The following NFKB1 variants were observed in gnomAD, a reference collection of about 807,000 sequenced individuals.
The protein encoded by NFKB1 is nuclear factor kappa B subunit 1.
NFKB1 carries 9 observed loss-of-function variants against 105.1 expected under a neutral mutation model. The ratio of observed to expected loss-of-function variants is 0.09; its 90% CI spans 0.05 to 0.15. NFKB1 has a LOEUF of 0.15. NFKB1 is among the 10% of genes least tolerant of loss of function. NFKB1 has a pLI of 1.00. For synonymous variants in NFKB1, 440 were observed against 442.2 expected, an observed-to-expected ratio of 1.00 and a Z score of 0.06; for missense variants, 830 against 1,203.7, an observed-to-expected ratio of 0.69 and a Z score of 4.59.
At position 102,580,523 on chromosome 4, in the gene NFKB1, C is replaced by G. The variant is rs753909940; in HGVS notation, c.731-12C>G. On this transcript the variant is annotated splice_polypyrimidine_tract_variant and intron_variant, in intron 8 of 23. Coordinates refer to ENST00000226574, the MANE Select transcript of NFKB1 (RefSeq NM_003998.4). ...TTAATCATGTTATTTGTTGTTTTTC[C>G]CCTGTGAACAGAAGCCCCCAATGCA... is the stretch of plus-strand genomic sequence containing the variant. 1 of 1,611,004 alleles carries G rather than the reference C, an allele frequency of 6.2e-7. No homozygotes were observed. The highest frequency in any genetic ancestry group is 1.7e-5 in the Admixed American group (1 of 59,948).
rs527805300 is a variant in NFKB1 at position 102,605,285 on chromosome 4, C to CA, written c.1753-1202dup. On this transcript the variant is annotated intron_variant, in intron 16 of 23. Transcript: ENST00000226574. The stretch of plus-strand genomic sequence containing the variant: ...GAAATAAGGGCAAGTAATAATTTGG[C>CA]AAAAAAAAAGGGTCTTGTATAGTAA... Among the ~76,000 whole-genome samples the CA allele has an allele frequency of 2.9e-3, 435 of 149,634 alleles. 1 individual carries two copies. The highest frequency in any genetic ancestry group is 0.014 in the Middle Eastern group (4 of 294).
intron 5 of NFKB1, among the ~76,000 whole-genome samples, chr4:102,559,953 AAAG>A (rs895580730): frequency 2.0e-5 from 3 of 148,902 alleles, no homozygotes; most frequent in Non-Finnish European, 4.4e-5. Flanking sequence ...AAAAAAAAAA[AAAG>A]AAAGAAAGAA....
chr4:102,612,397 T>C, intron 21 of NFKB1, 37 bp from the exon 22 acceptor site: 1 of 1,600,722 alleles, frequency 6.2e-7, no homozygotes, highest in Non-Finnish European at 8.5e-7. Context: ...GTCTATGGCA[T>C]GTTAGAACAA....
rs10585671 is a variant in NFKB1, at chr4:102,551,367, T to TGCGCGC, written c.258+13416_258+13421dup. 5.4e-3 allele frequency among the ~76,000 whole-genome samples: 816 copies of TGCGCGC among 150,200 alleles called. 5 individuals carry two copies. Among genetic ancestry groups the TGCGCGC allele is most frequent in the African/African-American group, 0.013 (521 of 40,954 alleles). On this transcript the variant is annotated intron_variant, in intron 5 of 23. Transcript: ENST00000226574. ...AAATTGGTGTGTGTGTGTGTGTGTG[T>TGCGCGC]GCGCGCGCGCATGTGTGTGTGTGTG...
intron 11 of NFKB1, among the ~76,000 whole-genome samples, chr4:102,585,121 C>T (rs1287270004): frequency 1.3e-5 from 2 of 151,960 alleles, no homozygotes; most frequent in African/African-American, 4.8e-5. Flanking sequence ...AACTCCTGGC[C>T]TTAAGCAGTC....
At chr4:102,515,192 G>C (rs1385129993) in intron 1 of NFKB1, among the ~76,000 whole-genome samples, 4 of 137,344 alleles carry the variant, frequency 2.9e-5, no homozygotes, top group African/African-American at 1.1e-4. Context: ...CTCACTGCAA[G>C]CTCCGCCTCC....
At chr4:102,564,676 T>G (rs1258836260) in intron 5 of NFKB1, among the ~76,000 whole-genome samples, 2 of 152,226 alleles carry the variant, frequency 1.3e-5, no homozygotes, top group Admixed American at 6.5e-5. Flanking sequence ...ACCTCGGACC[T>G]CTTTCCTTCA....
intron 19 of NFKB1, among the ~76,000 whole-genome samples, chr4:102,610,155 G>A (rs1728258771): frequency 6.6e-6 from 1 of 152,206 alleles, no homozygotes; most frequent in African/African-American, 2.4e-5. Flanking sequence ...GAGTGTCCAA[G>A]AAAAGGGGCT....
At chr4:102,577,915 C>T in intron 7 of NFKB1, 1 of 985,452 alleles carries the variant, frequency 1.0e-6, no homozygotes, top group Non-Finnish European at 1.2e-6. Flanking sequence ...ATAGATATTA[C>T]TGAAGTTCTG....
At chr4:102,612,714 A>T in intron 22 of NFKB1, 108 bp downstream of exon 22, 1 of 1,116,510 alleles carries the variant, frequency 9.0e-7, no homozygotes, top group Non-Finnish European at 1.3e-6. Context: ...GAAGAAGAAA[A>T]CCAGTCATTG....
In NFKB1 at chr4:102,528,569, A is replaced by G. The variant is rs1741078372; in HGVS notation, c.40-1267A>G. Among the ~76,000 whole-genome samples the G allele has an allele frequency of 2.6e-5, 4 of 152,260 alleles. No homozygotes were observed. The South Asian group carries it at 8.3e-4, about 32-fold the overall frequency. ...GTAATACTGGCTACTAAAAGAAACG[A>G]AAAGCTAGTTCAGCACACTTACTAG... On this transcript the variant is annotated intron_variant, in intron 2 of 23. Transcript: ENST00000226574.
intron 5 of NFKB1, among the ~76,000 whole-genome samples, chr4:102,550,795 T>G (rs144578778): frequency 1.3e-4 from 20 of 152,336 alleles, no homozygotes; most frequent in Middle Eastern, 3.4e-3. Flanking sequence ...TTTTTCCTTC[T>G]GTGTATTTAT....
In NFKB1 at chr4:102,502,390, GCACACACACA is replaced by G. The variant is rs754187388; in HGVS notation, c.-8+630_-8+639del. On this transcript the variant is annotated intron_variant, in intron 1 of 23. Transcript: ENST00000226574. ...CCCCCCTCCGTGCGCGCGCGCGCGCGCACACACACACACACACACACACACACACACACAC... is the reference window on the plus strand; with the variant it reads ...CCCCCCTCCGTGCGCGCGCGCGCGCGCACACACACACACACACACACACAC... 3.8e-3 allele frequency among the ~76,000 whole-genome samples: 399 copies of G among 105,398 alleles called. 8 individuals carry two copies. Among genetic ancestry groups the G allele is most frequent in the African/African-American group, 0.015 (370 of 24,012 alleles). 69.1% of individuals were successfully genotyped at this position (105,398 alleles called of 152,430 possible).
In NFKB1 at chr4:102,593,559, A is replaced by G. The variant is rs1560703895; in HGVS notation, c.1201A>G (p.Thr401Ala). ...CGGTGGAGGAGGGGGCACTGGAAGT[A>G]CAGGTCCAGGTACAAAAATACTTAT... is the stretch of plus-strand genomic sequence containing the variant. ...SGGGGGGTGS[T>A]GPGYSFPHYG... is the part of the protein sequence containing the mutation. The change falls in exon 12 of 24, where the codon ACA becomes GCA. Residue 401 changes from threonine to alanine, a missense_variant. By Grantham distance (58) the Thr-to-Ala change is moderately conservative (BLOSUM62 0). Transcript: ENST00000226574. The G allele has an allele frequency of 1.9e-6, 3 of 1,613,250 alleles. No individual in the cohort carries two copies. The highest frequency in any genetic ancestry group is 4.5e-5 in the East Asian group (2 of 44,872).
intron 6 of NFKB1, among the ~76,000 whole-genome samples, chr4:102,575,425 C>A (rs1284632807): frequency 6.6e-6 from 1 of 152,070 alleles, no homozygotes; most frequent in Non-Finnish European, 1.5e-5. Context: ...AAATCTCTTT[C>A]TTTCCTCTAC....
intron 6 of NFKB1, among the ~76,000 whole-genome samples, chr4:102,569,390 A>G (rs1724133133): frequency 6.6e-6 from 1 of 152,138 alleles, no homozygotes; most frequent in Non-Finnish European, 1.5e-5. Flanking sequence ...CTGAACTAAC[A>G]TTACGTAATA....
chr4:102,601,479 G>A (rs926534809), intron 16 of NFKB1, among the ~76,000 whole-genome samples: 9 of 151,976 alleles, frequency 5.9e-5, no homozygotes, highest in Admixed American at 5.9e-4. Flanking sequence ...TTTGCTTGAG[G>A]AGGAAAAGGT....
rs1004239645 is a variant in NFKB1 at position 102,536,857 on chromosome 4, C to G, written c.160-1001C>G. Among the ~76,000 whole-genome samples, 3 of 152,120 alleles carry G rather than the reference C, an allele frequency of 2.0e-5. No homozygotes were observed. The East Asian group carries it at 5.8e-4, about 29-fold the overall frequency. ...AAAAGTGAATCTGTAAAAAGAAAAT[C>G]ATCTGCTTAAGCGACTATGTGGTTA... On this transcript the variant is annotated intron_variant, in intron 4 of 23. Coordinates refer to ENST00000226574, the MANE Select transcript of NFKB1 (RefSeq NM_003998.4).
At chr4:102,588,020 T>C (rs1000528145) in intron 11 of NFKB1, among the ~76,000 whole-genome samples, 35 of 152,200 alleles carry the variant, frequency 2.3e-4, no homozygotes, top group Admixed American at 5.2e-4. Context: ...CCTAATTTTA[T>C]GTTCTTCATT....
Sources: gnomAD v4.1 joint callset for allele counts (sites outside exome capture counted in the v4.1 genomes callset) on GRCh38, gnomAD v4.1.1 for gene constraint, MANE v1.5 for transcripts, NCBI Gene and HGNC (gene_info 2026-07-23, HGNC 2026-07-21) for gene names.